NFE2L2: variants seen among roughly 807,000 people sequenced by gnomAD.
NFE2L2 encodes the protein NFE2 like bZIP transcription factor 2.
A neutral mutation model predicts 49.6 loss-of-function variants in NFE2L2; 20 were observed. That is an observed-to-expected ratio of 0.40 (90% CI 0.28 to 0.59). NFE2L2 has a LOEUF of 0.59. Ranked by LOEUF, NFE2L2 falls within the 20% of genes least tolerant of loss-of-function variation. The pLI, the probability that NFE2L2 is intolerant of heterozygous loss-of-function variation, is 0.40. For missense variants in NFE2L2, 578 were observed against 714.2 expected, an observed-to-expected ratio of 0.81 and a Z score of 2.17; for synonymous variants, 244 against 256.5, an observed-to-expected ratio of 0.95 and a Z score of 0.47.
chr2:177,230,630 A>G lies in NFE2L2; in HGVS notation c.*155T>C, dbSNP rs1184852070. 3.7e-6 allele frequency: 3 copies of G among 815,344 alleles called. No homozygotes were observed. The highest frequency in any genetic ancestry group is 2.5e-5 in the South Asian group (1 of 39,620). The allele number at this position is 815,344 out of a possible 1,614,324, so 50.5% of individuals were successfully genotyped here. On this transcript the variant is annotated 3_prime_UTR_variant, in exon 5 of 5. Transcript: ENST00000397062. ...ACTGATTCAACATACTGACACTCCAATGCTTTTTAAAGTTTCGTATTATTT... is the reference window on the plus strand; with the variant it reads ...ACTGATTCAACATACTGACACTCCAGTGCTTTTTAAAGTTTCGTATTATTT...
Position 177,232,028 on chromosome 2 carries a change from A to G in NFE2L2, c.595-20T>C. ...AAGACACTGCATGAGAAGGAAGTTT[A>G]TACTATATAAATCAAAGTTAATCCA... is the stretch of plus-strand genomic sequence containing the variant. On this transcript the variant is annotated intron_variant, in intron 4 of 4. Coordinates refer to ENST00000397062, the MANE Select transcript of NFE2L2 (RefSeq NM_006164.5). 1 of 1,558,118 alleles carries G rather than the reference A, an allele frequency of 6.4e-7. No individual in the cohort carries two copies. The highest frequency in any genetic ancestry group is 1.2e-5 in the South Asian group (1 of 80,898).
intron 1 of NFE2L2, among the ~76,000 whole-genome samples, chr2:177,250,775 G>C (rs547920028): frequency 1.3e-5 from 2 of 152,324 alleles, no homozygotes; most frequent in South Asian, 4.1e-4. Flanking sequence ...AGGAAGCCAG[G>C]GGGTGCCAGG....
At chr2:177,255,060 A>C (rs1341426139) in intron 1 of NFE2L2, among the ~76,000 whole-genome samples, 1 of 152,186 alleles carries the variant, frequency 6.6e-6, no homozygotes, top group South Asian at 2.1e-4. Flanking sequence ...TACTGTTATC[A>C]AGTGAACTTT....
chr2:177,237,742 C>T (rs951717582), intron 1 of NFE2L2, among the ~76,000 whole-genome samples: 1 of 152,176 alleles, frequency 6.6e-6, no homozygotes, highest in African/African-American at 2.4e-5. Context: ...TGGTCTCGAA[C>T]CCCTGACCTC....
At chr2:177,247,592 C>A (rs950832843) in intron 1 of NFE2L2, among the ~76,000 whole-genome samples, 1 of 148,304 alleles carries the variant, frequency 6.7e-6, no homozygotes, top group Non-Finnish European at 1.5e-5. Flanking sequence ...ACCCAGGAGG[C>A]GGAGGTTATG....
chr2:177,244,940 T>C (rs374371523), intron 1 of NFE2L2, among the ~76,000 whole-genome samples: 114 of 139,226 alleles, frequency 8.2e-4, no homozygotes, highest in African/African-American at 2.8e-3. Context: ...GAGGTGGAGA[T>C]TGCAGTAACC....
At chr2:177,244,820 C>T (rs913496484) in intron 1 of NFE2L2, among the ~76,000 whole-genome samples, 4 of 151,800 alleles carry the variant, frequency 2.6e-5, no homozygotes, top group Non-Finnish European at 4.4e-5. Context: ...TCCTGGCTAA[C>T]GGTGAAACCC....
chr2:177,248,305 T>C (rs1257118261), intron 1 of NFE2L2, among the ~76,000 whole-genome samples: 1 of 152,254 alleles, frequency 6.6e-6, no homozygotes, highest in East Asian at 1.9e-4. Context: ...GGAATTACTT[T>C]GGAAACTGAC....
At chr2:177,234,960 A>T (rs1026030689) in intron 1 of NFE2L2, among the ~76,000 whole-genome samples, 1 of 152,050 alleles carries the variant, frequency 6.6e-6, no homozygotes, top group Non-Finnish European at 1.5e-5. Context: ...TACTAAAAAT[A>T]CAAAAATCAG....
intron 1 of NFE2L2, chr2:177,264,235 G>T: frequency 2.9e-6 from 1 of 343,856 alleles, no homozygotes; most frequent in Non-Finnish European, 5.3e-6. Context: ...CGGGCCCGGG[G>T]ACGCGGCTGG....
At position 177,230,348 on chromosome 2, in the gene NFE2L2, A is replaced by C. The variant is rs34176791; in HGVS notation, c.*437T>G. 220 of 232,574 alleles carry C rather than the reference A, an allele frequency of 9.5e-4. 1 individual carries two copies. Among genetic ancestry groups the C allele is most frequent in the African/African-American group, 4.4e-3 (201 of 45,420 alleles). The allele number at this position is 232,574 out of a possible 1,614,324, so 14.4% of individuals were successfully genotyped here. On this transcript the variant is annotated 3_prime_UTR_variant, in exon 5 of 5. Transcript: ENST00000397062. ...AATCCTTTATTAGTACCAGCTCTTA[A>C]AATTTTTTTTTTTTGCCAGAGCTAA...
At chr2:177,260,204 A>G (rs527931070) in intron 1 of NFE2L2, among the ~76,000 whole-genome samples, 230 of 152,344 alleles carry the variant, frequency 1.5e-3, no homozygotes, top group Non-Finnish European at 2.9e-3. Context: ...ATACATTTCT[A>G]CAGTCAGAGA....
chr2:177,232,164 T>C, intron 4 of NFE2L2, 156 bp from the exon 5 acceptor site: 1 of 927,534 alleles, frequency 1.1e-6, no homozygotes, highest in Non-Finnish European at 1.6e-6. Flanking sequence ...AATACATATT[T>C]ACGCCTAAGC....
intron 1 of NFE2L2, among the ~76,000 whole-genome samples, chr2:177,259,727 T>C (rs920531683): frequency 1.3e-5 from 2 of 152,002 alleles, no homozygotes; most frequent in Admixed American, 6.6e-5. Context: ...GGTCAGGAGA[T>C]CGAGATCATC....
chr2:177,257,746 T>A (rs1690579484), intron 1 of NFE2L2, among the ~76,000 whole-genome samples: 1 of 152,150 alleles, frequency 6.6e-6, no homozygotes, highest in Non-Finnish European at 1.5e-5. Context: ...GAGCTCCACC[T>A]CCTGTCAGAT....
Position 177,256,765 on chromosome 2 carries a change from C to T in NFE2L2, c.45+7767G>A, listed in dbSNP as rs181909458. 1.9e-4 allele frequency among the ~76,000 whole-genome samples: 29 copies of T among 152,344 alleles called. No homozygotes were observed. In the East Asian group the frequency reaches 5.2e-3, roughly 27 times the overall value. ...ACACCCCCCCAACACAAAGGGGCAA[C>T]GGTCAAAGACAAGACTGGAATTGGG... is the stretch of plus-strand genomic sequence containing the variant. On this transcript the variant is annotated intron_variant, in intron 1 of 4. Transcript: ENST00000397062.
chr2:177,245,184 A>AC (rs1381973062), intron 1 of NFE2L2, among the ~76,000 whole-genome samples: 1 of 152,068 alleles, frequency 6.6e-6, no homozygotes, highest in African/African-American at 2.4e-5. Context: ...CTTTTCAGTT[A>AC]GTATGACTCA....
At chr2:177,264,433 G>C in intron 1 of NFE2L2, 99 bp downstream of exon 1, 1 of 1,286,962 alleles carries the variant, frequency 7.8e-7, no homozygotes, top group South Asian at 1.4e-5. Flanking sequence ...GCCAGACGTG[G>C]GGGAAGCCGG....
At chr2:177,234,299 G>A (rs1317566055) in intron 1 of NFE2L2, 28 bp from the exon 2 acceptor site, 1 of 1,569,984 alleles carries the variant, frequency 6.4e-7, no homozygotes, top group Admixed American at 1.9e-5. Flanking sequence ...AAAGGAAGGA[G>A]AGAGCTCATG....
Sources: gnomAD v4.1 joint callset for allele counts (sites outside exome capture counted in the v4.1 genomes callset) on GRCh38, gnomAD v4.1.1 for gene constraint, MANE v1.5 for transcripts, NCBI Gene and HGNC (gene_info 2026-07-23, HGNC 2026-07-21) for gene names.